ANK1: variants seen among roughly 807,000 people sequenced by gnomAD.
The protein encoded by ANK1 is ankyrin-1.
Under a neutral mutation model 210.4 loss-of-function variants are expected in ANK1, and 51 were observed. The ratio of observed to expected loss-of-function variants is 0.24; its 90% CI spans 0.19 to 0.31. The LOEUF (loss-of-function observed/expected upper bound fraction) is 0.31. Among genes scored for constraint, ANK1 ranks in the 10% least tolerant of loss-of-function variants. The probability of loss-of-function intolerance (pLI) is 1.00; values close to 1 mark genes in which losing one functional copy is unlikely to be tolerated. For missense variants in ANK1, 2,051 were observed against 2,504.4 expected, an observed-to-expected ratio of 0.82 and a Z score of 3.86; for synonymous variants, 967 against 1,025.9, an observed-to-expected ratio of 0.94 and a Z score of 1.10.
chr8:41,763,889 CTTTTTTTT>C (rs869100297), intron 1 of ANK1, among the ~76,000 whole-genome samples: 30 of 57,816 alleles, frequency 5.2e-4, no homozygotes, highest in African/African-American at 1.0e-3. Flanking sequence ...TTCTTTTTTT[CTTTTTTTT>C]TTTTTTTTTT....
chr8:41,713,579 A>G (rs991177516), intron 16 of ANK1, among the ~76,000 whole-genome samples: 2 of 152,226 alleles, frequency 1.3e-5, no homozygotes, highest in African/African-American at 4.8e-5. Context: ...GCCACTATCT[A>G]AAAGTCTGAT....
At chr8:41,668,240 A>T (rs1419593216) in intron 39 of ANK1, 27 bp downstream of exon 39, 1 of 1,614,032 alleles carries the variant, frequency 6.2e-7, no homozygotes, top group South Asian at 1.1e-5. Flanking sequence ...AAGGAACAGC[A>T]GCACGCAGCT....
chr8:41,843,226 GAT>G (rs376449627), intron 1 of ANK1, among the ~76,000 whole-genome samples: 1 of 152,194 alleles, frequency 6.6e-6, no homozygotes, highest in African/African-American at 2.4e-5. Flanking sequence ...GTACGTGAGA[GAT>G]TTTGTTACAC....
intron 1 of ANK1, among the ~76,000 whole-genome samples, chr8:41,819,758 T>C (rs1355282280): frequency 6.6e-6 from 1 of 152,238 alleles, no homozygotes; most frequent in Non-Finnish European, 1.5e-5. Flanking sequence ...TGACACAAGC[T>C]GACACATGCA....
rs113456206 is a variant in ANK1, at chr8:41,881,548, G to A, written c.126+14807C>T. Among the ~76,000 whole-genome samples the A allele has an allele frequency of 1.4e-3, 220 of 152,296 alleles. 1 individual carries two copies. The highest frequency in any genetic ancestry group is 2.6e-3 in the Non-Finnish European group (179 of 68,024). Reference sequence around the variant, plus strand: ...TTTTATCTTACTGTCAAGGGAACTGGTATATAACATTCCCATCAAGCTCTA... The same window carrying A: ...TTTTATCTTACTGTCAAGGGAACTGATATATAACATTCCCATCAAGCTCTA... On this transcript the variant is annotated intron_variant, in intron 1 of 42. Coordinates refer to the ANK1 transcript ENST00000265709.
intron 39 of ANK1, chr8:41,664,158 C>A (rs1484227571): frequency 2.2e-6 from 1 of 458,334 alleles, no homozygotes. Context: ...AACCCCAGAG[C>A]CAGTTGGTGA....
chr8:41,703,667 T>A (rs1272373600), intron 20 of ANK1, among the ~76,000 whole-genome samples: 2 of 151,538 alleles, frequency 1.3e-5, no homozygotes, highest in Non-Finnish European at 2.9e-5. Flanking sequence ...AAAAAATTTT[T>A]TTTTGTAGAT....
At chr8:41,876,023 C>G (rs1200058932) in intron 1 of ANK1, among the ~76,000 whole-genome samples, 1 of 151,978 alleles carries the variant, frequency 6.6e-6, no homozygotes, top group Non-Finnish European at 1.5e-5. Flanking sequence ...CGTCCCGCGA[C>G]CTCGCAGGTT....
intron 1 of ANK1, among the ~76,000 whole-genome samples, chr8:41,856,667 G>A (rs1043388267): frequency 1.3e-5 from 2 of 152,106 alleles, no homozygotes; most frequent in Non-Finnish European, 2.9e-5. Context: ...GTGCCAACAT[G>A]ATGCTCAAAA....
At chr8:41,701,945 C>G (rs1238161822) in intron 21 of ANK1, 107 bp downstream of exon 21, 1 of 1,233,744 alleles carries the variant, frequency 8.1e-7, no homozygotes, top group African/African-American at 1.5e-5. Context: ...GCCTCCGACC[C>G]GCGTCCCGGA....
At chr8:41,864,786 C>G (rs781633730) in intron 1 of ANK1, among the ~76,000 whole-genome samples, 1 of 152,160 alleles carries the variant, frequency 6.6e-6, no homozygotes, top group Non-Finnish European at 1.5e-5. Context: ...GCATCCAGAA[C>G]CGAAGAAACT....
At position 41,705,211 on chromosome 8, in the gene ANK1, C is replaced by T. The variant is rs181253199; in HGVS notation, c.2098-739G>A. ...CTGAGCTCCTTGGTCCCAAGTGTCC[C>T]GGGAAGCTGGTGCCAGATTCCAGAG... On this transcript the variant is annotated intron_variant, in intron 18 of 42. Coordinates refer to ENST00000289734, the MANE Select transcript of ANK1 (RefSeq NM_000037.4). Among the ~76,000 whole-genome samples, 39 of 152,310 alleles carry T rather than the reference C, an allele frequency of 2.6e-4. 1 individual carries two copies. Among genetic ancestry groups the T allele is most frequent in the African/African-American group, 9.1e-4 (38 of 41,564 alleles).
chr8:41,808,751 G>C (rs777774897), intron 1 of ANK1, among the ~76,000 whole-genome samples: 1 of 152,096 alleles, frequency 6.6e-6, no homozygotes, highest in Non-Finnish European at 1.5e-5. Context: ...GCACACAGAT[G>C]CTTCCTAAAT....
intron 1 of ANK1, among the ~76,000 whole-genome samples, chr8:41,849,486 T>C (rs1810768395): frequency 6.6e-6 from 1 of 151,572 alleles, no homozygotes; most frequent in South Asian, 2.1e-4. Flanking sequence ...ATCACACCAT[T>C]GTACTCCAGC....
At chr8:41,822,198 G>T (rs75942300) in intron 1 of ANK1, among the ~76,000 whole-genome samples, 3 of 150,736 alleles carry the variant, frequency 2.0e-5, no homozygotes, top group African/African-American at 7.3e-5. Flanking sequence ...AGGAAAGAAA[G>T]AAAAGAAAGA....
chr8:41,793,591 C>T (rs1848183511), intron 1 of ANK1, among the ~76,000 whole-genome samples: 1 of 152,154 alleles, frequency 6.6e-6, no homozygotes, highest in Admixed American at 6.5e-5. Context: ...TGTAAGAAGA[C>T]CACTGTTGCT....
intron 42 of ANK1, chr8:41,660,399 G>T (rs934210961): frequency 2.1e-6 from 1 of 469,492 alleles, no homozygotes; most frequent in African/African-American, 2.0e-5. Context: ...GCTGCACTGG[G>T]GCCACCATGC....
In ANK1 at chr8:41,797,454, C is replaced by T; in HGVS notation, c.27+58G>A. On this transcript the variant is annotated intron_variant, in intron 1 of 42. Transcript: ENST00000289734. This position sits in a 1 kb window ranked among gnomAD's most constrained non-coding sequence, Gnocchi z 4.0. ...GCTCGCGTGCTGCCTACTGGCGCGGCCTGGGTGGCCCCCTCCTGACATCTC... is the reference window on the plus strand; with the variant it reads ...GCTCGCGTGCTGCCTACTGGCGCGGTCTGGGTGGCCCCCTCCTGACATCTC... 2 of 1,524,630 alleles carry T rather than the reference C, an allele frequency of 1.3e-6. No homozygotes were observed. The highest frequency in any genetic ancestry group is 1.8e-6 in the Non-Finnish European group (2 of 1,110,518). The allele number at this position is 1,524,630 out of a possible 1,614,324, so 94.4% of individuals were successfully genotyped here.
intron 2 of ANK1, among the ~76,000 whole-genome samples, chr8:41,749,786 A>G (rs1443170292): frequency 2.0e-5 from 3 of 150,528 alleles, no homozygotes; most frequent in African/African-American, 7.4e-5. Context: ...CTAATTTTGT[A>G]TTTTCAGTAG....
Sources: gnomAD v4.1 joint callset for allele counts (sites outside exome capture counted in the v4.1 genomes callset) on GRCh38, gnomAD v4.1.1 for gene constraint, Gnocchi (gnomAD v3.1) non-coding constraint, MANE v1.5 for transcripts, NCBI Gene and HGNC (gene_info 2026-07-23, HGNC 2026-07-21) for gene names.